ZNF346: variants seen among roughly 807,000 people sequenced by gnomAD.
The protein encoded by ZNF346 is double-stranded RNA-binding zinc finger protein JAZ.
ZNF346 carries 23 observed loss-of-function variants against 33.7 expected under a neutral mutation model. The ratio of observed to expected loss-of-function variants is 0.68; its 90% CI spans 0.49 to 0.97. The LOEUF (loss-of-function observed/expected upper bound fraction) is 0.97, where lower values mean the gene tolerates loss of function less well. ZNF346 is among the 50% of genes least tolerant of loss of function. The pLI, the probability that ZNF346 is intolerant of heterozygous loss-of-function variation, is 0.00. For synonymous variants in ZNF346, 134 were observed against 142.4 expected, an observed-to-expected ratio of 0.94 and a Z score of 0.42; for missense variants, 340 against 371.1, an observed-to-expected ratio of 0.92 and a Z score of 0.69.
In ZNF346 at chr5:177,061,882, T is replaced by A. The variant is rs369520532; in HGVS notation, c.704-176T>A. ...GATCTTCCCAACCCCAGGAAGCACA[T>A]AGGCACACAGTCTGTGCCTCCTTAG... On this transcript the variant is annotated intron_variant, in intron 5 of 6. Transcript: ENST00000358149. 3.0e-4 allele frequency among the ~76,000 whole-genome samples: 45 copies of A among 152,294 alleles called. No homozygotes were observed. The East Asian group carries it at 7.9e-3, about 27-fold the overall frequency.
At chr5:177,062,569 A>G (rs1215635701) in intron 6 of ZNF346, among the ~76,000 whole-genome samples, 1 of 151,384 alleles carries the variant, frequency 6.6e-6, no homozygotes, top group African/African-American at 2.5e-5. Flanking sequence ...CATCTTCTGA[A>G]TGATGGCCAA....
At chr5:177,064,124 G>A (rs1782897124) in intron 6 of ZNF346, among the ~76,000 whole-genome samples, 2 of 152,078 alleles carry the variant, frequency 1.3e-5, no homozygotes, top group African/African-American at 4.8e-5. Flanking sequence ...GTTTGACTTC[G>A]AAGCCCATTC....
chr5:177,054,455 G>A (rs1781397989), intron 5 of ZNF346, among the ~76,000 whole-genome samples: 1 of 151,960 alleles, frequency 6.6e-6, no homozygotes, highest in Non-Finnish European at 1.5e-5. Context: ...CTGGAGTGCA[G>A]CAGTGCCATC....
chr5:177,050,407 A>G (rs957977581), intron 4 of ZNF346, among the ~76,000 whole-genome samples: 5 of 152,204 alleles, frequency 3.3e-5, no homozygotes, highest in Admixed American at 1.3e-4. Flanking sequence ...TCTCTAGTCT[A>G]TTGTAACTTG....
downstream of ZNF346, among the ~76,000 whole-genome samples, chr5:177,068,774 G>A (rs1392851518): frequency 7.0e-6 from 1 of 142,592 alleles, no homozygotes; most frequent in Non-Finnish European, 1.5e-5. Context: ...GATTAAGGGG[G>A]AATGGATGCA....
At position 177,066,606 on chromosome 5, in the gene ZNF346, A is replaced by C. The variant is rs1783189528; in HGVS notation, c.*2007A>C. 6.6e-6 allele frequency among the ~76,000 whole-genome samples: 1 copy of C among 151,970 alleles called. No homozygotes were observed. Among genetic ancestry groups the C allele is most frequent in the African/African-American group, 2.4e-5 (1 of 41,380 alleles). On this transcript the variant is annotated 3_prime_UTR_variant, in exon 7 of 7. Coordinates refer to ENST00000358149, the MANE Select transcript of ZNF346 (RefSeq NM_012279.4). ...GTTATGGCCAGGTGCGGCGTCATGCACCTATAGTCCCAGCTGCTCAGGAGG... is the reference window on the plus strand; with the variant it reads ...GTTATGGCCAGGTGCGGCGTCATGCCCCTATAGTCCCAGCTGCTCAGGAGG...
chr5:177,061,928 C>A, intron 5 of ZNF346, 130 bp from the exon 6 acceptor site: 1 of 733,142 alleles, frequency 1.4e-6, no homozygotes, highest in Non-Finnish European at 2.4e-6. Flanking sequence ...TCTGGGTTCT[C>A]ATCAGGGCCA....
intron 4 of ZNF346, 89 bp from the exon 5 acceptor site, chr5:177,050,662 T>C (rs1780730087): frequency 2.7e-6 from 4 of 1,460,764 alleles, no homozygotes; most frequent in Non-Finnish European, 3.8e-6. Context: ...TGACACCTTC[T>C]GGGTTTTTTC....
In ZNF346 at chr5:177,066,777, G is replaced by A. The variant is rs1015829530; in HGVS notation, c.*2178G>A. On this transcript the variant is annotated 3_prime_UTR_variant, in exon 7 of 7. Transcript: ENST00000358149. ...AAAAAATTATAAAAATAAATTTGAA[G>A]GCTGGGCGCCGTGGCTCACGCCTGT... is the stretch of plus-strand genomic sequence containing the variant. Among the ~76,000 whole-genome samples the A allele has an allele frequency of 3.3e-5, 5 of 151,820 alleles. No homozygotes were observed. Among genetic ancestry groups the A allele is most frequent in the Admixed American group, 3.3e-4 (5 of 15,242 alleles).
At chr5:177,044,267 G>T in intron 3 of ZNF346, 122 bp from the exon 4 acceptor site, 1 of 1,059,528 alleles carries the variant, frequency 9.4e-7, no homozygotes, top group Non-Finnish European at 1.4e-6. Flanking sequence ...CTAGAAAGTA[G>T]GTTGGGGTTA....
intron 1 of ZNF346, among the ~76,000 whole-genome samples, chr5:177,038,515 T>G (rs1431698543): frequency 6.6e-6 from 1 of 151,590 alleles, no homozygotes; most frequent in Non-Finnish European, 1.5e-5. Context: ...TGCTTATTTT[T>G]TACTTTATAC....
intron 1 of ZNF346, 43 bp downstream of exon 1, chr5:177,022,956 C>G (rs781238533): frequency 2.8e-6 from 4 of 1,444,070 alleles, no homozygotes; most frequent in Non-Finnish European, 3.6e-6. Context: ...TCGCCCGCTG[C>G]GCGGCTCGCG....
chr5:177,053,340 A>C (rs887855632), intron 5 of ZNF346, among the ~76,000 whole-genome samples: 3 of 142,266 alleles, frequency 2.1e-5, no homozygotes, highest in Non-Finnish European at 3.1e-5. Flanking sequence ...AAAAAAAAAC[A>C]GGGTCTCTGT....
At position 177,041,155 on chromosome 5, in the gene ZNF346, C is replaced by G. The variant is rs1581849916; in HGVS notation, c.205C>G (p.Leu69Val). The change falls in exon 2 of 7, where the codon CTC (leucine) becomes GTC (valine). Residue 69 changes from leucine (L) to valine (V), a missense_variant. Leu to Val is a conservative substitution (Grantham distance 32). Transcript: ENST00000358149. The part of the protein sequence containing the change: ...VEHMIQKNQC[L>V]FTNTQCKVCC... ...GCACATGATCCAGAAGAACCAATGT[C>G]TCTTCACCAACACCCAGTGTAAGGT... 1 of 1,614,048 alleles carries G rather than the reference C, an allele frequency of 6.2e-7. No individual in the cohort carries two copies. Among genetic ancestry groups the G allele is most frequent in the Non-Finnish European group, 8.5e-7 (1 of 1,179,876 alleles).
chr5:177,075,019 T>C (rs1441645080), intron 8 of ZNF346, among the ~76,000 whole-genome samples: 2 of 150,714 alleles, frequency 1.3e-5, no homozygotes, highest in African/African-American at 4.9e-5. Flanking sequence ...TGAGCCGAGA[T>C]CGCGCCAGTG....
At chr5:177,028,735 T>TA (rs1491576047) in intron 1 of ZNF346, among the ~76,000 whole-genome samples, 4 of 105,706 alleles carry the variant, frequency 3.8e-5, no homozygotes, top group East Asian at 2.7e-4. Context: ...TTTTTTTTTT[T>TA]ATGAGATGGA....
chr5:177,044,626 A>T (rs1354543057), intron 4 of ZNF346, 93 bp downstream of exon 4: 2 of 1,365,478 alleles, frequency 1.5e-6, no homozygotes, highest in East Asian at 4.6e-5. Flanking sequence ...CTGAGGCCAC[A>T]GACTTGAAGA....
At chr5:177,069,385 G>A (rs1654228871), downstream of ZNF346, among the ~76,000 whole-genome samples, 1 of 151,140 alleles carries the variant, frequency 6.6e-6, no homozygotes, top group African/African-American at 2.4e-5. Flanking sequence ...CTGGGAGGCG[G>A]AGGTTGCAAG....
intron 1 of ZNF346, among the ~76,000 whole-genome samples, chr5:177,035,789 C>A (rs1175258588): frequency 6.6e-6 from 1 of 152,100 alleles, no homozygotes; most frequent in African/African-American, 2.4e-5. Context: ...CACCTGCCAC[C>A]ATGCCCTGGG....
Sources: allele counts gnomAD v4.1 joint callset (sites outside exome capture counted in the v4.1 genomes callset), GRCh38; gene constraint gnomAD v4.1.1; transcripts MANE v1.5; gene names NCBI Gene and HGNC (gene_info 2026-07-23, HGNC 2026-07-21).